The following COMMD1 variants were observed in gnomAD, a reference collection of about 807,000 sequenced individuals.
COMMD1 encodes the protein COMM domain-containing protein 1.
COMMD1 carries 10 observed loss-of-function variants against 17.2 expected under a neutral mutation model. The ratio of observed to expected loss-of-function variants is 0.58; its 90% CI spans 0.36 to 0.99. COMMD1 has a LOEUF of 0.99. Ranked by LOEUF, COMMD1 falls within the 50% of genes least tolerant of loss-of-function variation. The probability of loss-of-function intolerance (pLI) is 0.01; values close to 1 mark genes in which losing one functional copy is unlikely to be tolerated. For synonymous variants in COMMD1, 97 were observed against 91.6 expected, an observed-to-expected ratio of 1.06 and a Z score of -0.34; for missense variants, 270 against 231.8, an observed-to-expected ratio of 1.17 and a Z score of -1.07.
At chr2:62,052,420 G>T (rs116428516) in intron 2 of COMMD1, among the ~76,000 whole-genome samples, 1 of 152,014 alleles carries the variant, frequency 6.6e-6, no homozygotes, top group East Asian at 1.9e-4. Flanking sequence ...TCTGTCCCAC[G>T]TATCTTCAGG....
At chr2:62,010,386 A>T (rs1669246283) in intron 2 of COMMD1, among the ~76,000 whole-genome samples, 1 of 151,662 alleles carries the variant, frequency 6.6e-6, no homozygotes, top group Non-Finnish European at 1.5e-5. Context: ...TCTGTCCTCG[A>T]TCTTCTTTTC....
intron 1 of COMMD1, among the ~76,000 whole-genome samples, chr2:61,952,161 A>C (rs947030415): frequency 6.6e-6 from 1 of 152,174 alleles, no homozygotes; most frequent in African/African-American, 2.4e-5. Flanking sequence ...TCATGATGGG[A>C]AGAATTTAGT....
At chr2:61,902,546 A>G (rs1261277789), upstream of COMMD1, among the ~76,000 whole-genome samples, 1 of 151,908 alleles carries the variant, frequency 6.6e-6, no homozygotes, top group African/African-American at 2.4e-5. Context: ...AGTGACAGAA[A>G]CCCCTATAGA....
At chr2:61,962,909 C>T (rs1026828193) in intron 1 of COMMD1, among the ~76,000 whole-genome samples, 1 of 151,974 alleles carries the variant, frequency 6.6e-6, no homozygotes, top group Non-Finnish European at 1.5e-5. Flanking sequence ...GCCTGTGATC[C>T]CAGCACTTTG....
intron 2 of COMMD1, among the ~76,000 whole-genome samples, chr2:62,064,487 T>C (rs1670970439): frequency 6.6e-6 from 1 of 152,208 alleles, no homozygotes; most frequent in South Asian, 2.1e-4. Context: ...AGTAGCTTTT[T>C]TATTCCTGTG....
chr2:62,014,542 C>CTTTTTTTTTTTTTTTTT (rs67886279), intron 2 of COMMD1, among the ~76,000 whole-genome samples: 5 of 63,532 alleles, frequency 7.9e-5, no homozygotes, highest in African/African-American at 3.6e-4. Flanking sequence ...CCATTTTAAC[C>CTTTTTTTTTTTTTTTTT]TTTTTTTTTT....
At chr2:61,999,746 A>T (rs1363570552) in intron 1 of COMMD1, among the ~76,000 whole-genome samples, 8 of 151,780 alleles carry the variant, frequency 5.3e-5, no homozygotes, top group African/African-American at 1.9e-4. Context: ...TTACTTCAAA[A>T]AAAATTTCAT....
intron 2 of COMMD1, among the ~76,000 whole-genome samples, chr2:62,063,182 A>C (rs1319494794): frequency 4.6e-5 from 7 of 152,170 alleles, no homozygotes; most frequent in Non-Finnish European, 8.8e-5. Context: ...GCACCACTGC[A>C]CTCCAGCCTG....
At chr2:61,984,791 T>C (rs1672058541) in intron 1 of COMMD1, among the ~76,000 whole-genome samples, 1 of 152,222 alleles carries the variant, frequency 6.6e-6, no homozygotes, top group African/African-American at 2.4e-5. Context: ...GGGGTCTGTC[T>C]CTTTAGCTCT....
chr2:61,961,821 A>G (rs1671350760), intron 1 of COMMD1, among the ~76,000 whole-genome samples: 8 of 151,472 alleles, frequency 5.3e-5, no homozygotes, highest in Admixed American at 5.3e-4. Context: ...CTGCTATTTT[A>G]TTTCCAGATA....
intron 2 of COMMD1, among the ~76,000 whole-genome samples, chr2:62,019,800 C>T (rs1669562379): frequency 6.6e-6 from 1 of 152,202 alleles, no homozygotes; most frequent in Middle Eastern, 3.2e-3. Flanking sequence ...TCTCTCCCAA[C>T]TCAGTTCTTC....
intron 2 of COMMD1, among the ~76,000 whole-genome samples, chr2:62,064,407 C>T (rs1406446231): frequency 2.0e-5 from 3 of 152,126 alleles, no homozygotes; most frequent in Non-Finnish European, 4.4e-5. Context: ...TGCCTGACCT[C>T]GAGGGATCCA....
chr2:61,970,920 TTGTC>T (rs1242042693), intron 1 of COMMD1, among the ~76,000 whole-genome samples: 6 of 152,196 alleles, frequency 3.9e-5, no homozygotes, highest in Non-Finnish European at 5.9e-5. Context: ...TTTTTTTTGT[TTGTC>T]TGTTTCTGAC....
At chr2:62,044,357 T>G (rs933945616) in intron 2 of COMMD1, among the ~76,000 whole-genome samples, 1 of 152,218 alleles carries the variant, frequency 6.6e-6, no homozygotes, top group Non-Finnish European at 1.5e-5. Flanking sequence ...GAGATCTTTA[T>G]GTTATGTCTG....
chr2:62,078,239 CAAAAAAAAAA>C (rs56320690), intron 2 of COMMD1, among the ~76,000 whole-genome samples: 3 of 19,866 alleles, frequency 1.5e-4, no homozygotes, highest in South Asian at 2.8e-3. Context: ...CACACCAATG[CAAAAAAAAAA>C]AAAAAAAAAA....
At chr2:62,119,954 C>G (rs1366117969) in intron 2 of COMMD1, among the ~76,000 whole-genome samples, 2 of 152,140 alleles carry the variant, frequency 1.3e-5, no homozygotes, top group African/African-American at 4.8e-5. Context: ...TCAGGCAACT[C>G]TGGATGACTT....
intron 2 of COMMD1, among the ~76,000 whole-genome samples, chr2:62,074,179 A>G (rs1445930948): frequency 2.6e-5 from 4 of 152,234 alleles, no homozygotes; most frequent in East Asian, 3.8e-4. Context: ...TTAATTAACC[A>G]GGAAGCTCCA....
chr2:62,110,912 A>G (rs1236840401), intron 2 of COMMD1, among the ~76,000 whole-genome samples: 1 of 151,726 alleles, frequency 6.6e-6, no homozygotes, highest in East Asian at 1.9e-4. Flanking sequence ...AGGGGTAAAC[A>G]TCAGGCTTAA....
intron 2 of COMMD1, among the ~76,000 whole-genome samples, chr2:62,054,431 T>C (rs1670630373): frequency 6.6e-6 from 1 of 152,170 alleles, no homozygotes; most frequent in African/African-American, 2.4e-5. Context: ...ATAGCAAGGA[T>C]ATGGAATCAA....
Sources: allele counts gnomAD v4.1 joint callset (sites outside exome capture counted in the v4.1 genomes callset), GRCh38; gene constraint gnomAD v4.1.1; transcripts MANE v1.5; gene names NCBI Gene and HGNC (gene_info 2026-07-23, HGNC 2026-07-21).